The following NCKAP5 variants were observed in gnomAD, a reference collection of about 807,000 sequenced individuals.
NCKAP5 encodes nck-associated protein 5.
In NCKAP5, 92 loss-of-function variants were observed where a neutral mutation model predicts 167.0. The ratio of observed to expected loss-of-function variants is 0.55; its 90% CI spans 0.47 to 0.66. NCKAP5 has a LOEUF of 0.66. Ranked by LOEUF, NCKAP5 falls within the 30% of genes least tolerant of loss-of-function variation. NCKAP5 has a pLI of 0.00. For synonymous variants in NCKAP5, 891 were observed against 877.4 expected, an observed-to-expected ratio of 1.02 and a Z score of -0.27; for missense variants, 2,378 against 2,315.0, an observed-to-expected ratio of 1.03 and a Z score of -0.56.
chr2:133,201,924 T>C (rs1192077521), intron 5 of NCKAP5, among the ~76,000 whole-genome samples: 1 of 152,152 alleles, frequency 6.6e-6, no homozygotes, highest in Non-Finnish European at 1.5e-5. Flanking sequence ...TGCTCATGGA[T>C]AGGAAGAATC....
chr2:133,482,732 G>T (rs1354141775), intron 3 of NCKAP5, among the ~76,000 whole-genome samples: 2 of 151,912 alleles, frequency 1.3e-5, no homozygotes, highest in Non-Finnish European at 2.9e-5. Flanking sequence ...GTTTTTCATG[G>T]TGGCTTTACT....
At chr2:133,523,791 C>A (rs1420187187) in intron 2 of NCKAP5, among the ~76,000 whole-genome samples, 4 of 152,180 alleles carry the variant, frequency 2.6e-5, no homozygotes, top group African/African-American at 9.7e-5. Flanking sequence ...ACACGGTAGG[C>A]ATGCAAAGAA....
chr2:133,323,781 C>T (rs1682234262), intron 3 of NCKAP5, among the ~76,000 whole-genome samples: 1 of 152,084 alleles, frequency 6.6e-6, no homozygotes, highest in African/African-American at 2.4e-5. Context: ...CTGTCCCAGC[C>T]AAATCACATT....
At chr2:133,656,621 A>C in the NCKAP5 span, among the ~76,000 whole-genome samples, 1 of 152,224 alleles carries the variant, frequency 6.6e-6, no homozygotes, top group African/African-American at 2.4e-5. Context: ...CTCTCTTTCC[A>C]GACAGAGATG....
At chr2:132,929,347 C>G (rs1696179705) in intron 8 of NCKAP5, among the ~76,000 whole-genome samples, 1 of 151,954 alleles carries the variant, frequency 6.6e-6, no homozygotes, top group Admixed American at 6.6e-5. Flanking sequence ...CTGTTTGATG[C>G]AGAATATTCT....
the NCKAP5 span, among the ~76,000 whole-genome samples, chr2:133,649,443 G>A: frequency 6.6e-6 from 1 of 151,676 alleles, no homozygotes; most frequent in Non-Finnish European, 1.5e-5. Flanking sequence ...AAAGAAAATT[G>A]CAGGCCACTA....
intron 3 of NCKAP5, among the ~76,000 whole-genome samples, chr2:133,303,640 G>C (rs967575511): frequency 1.5e-4 from 23 of 149,200 alleles, no homozygotes. Flanking sequence ...CAGTGTATTT[G>C]CTTTTTTTTT....
chr2:133,476,027 A>G (rs1559513046), intron 3 of NCKAP5, among the ~76,000 whole-genome samples: 5 of 152,240 alleles, frequency 3.3e-5, no homozygotes, highest in Admixed American at 2.0e-4. Context: ...AAGAAGTCAA[A>G]CCAGAAGATT....
At chr2:133,417,076 G>T (rs1689156403) in intron 3 of NCKAP5, among the ~76,000 whole-genome samples, 2 of 149,142 alleles carry the variant, frequency 1.3e-5, no homozygotes, top group Non-Finnish European at 3.0e-5. Context: ...CTTACTCTTT[G>T]ATATGAATAA....
chr2:133,272,926 A>G (rs1251676005), intron 4 of NCKAP5, among the ~76,000 whole-genome samples: 3 of 152,184 alleles, frequency 2.0e-5, no homozygotes, highest in Non-Finnish European at 2.9e-5. Flanking sequence ...GTCTTCATGC[A>G]CCACATTTTA....
the NCKAP5 span, among the ~76,000 whole-genome samples, chr2:133,589,995 C>T: frequency 3.2e-4 from 49 of 152,278 alleles, no homozygotes; most frequent in Non-Finnish European, 5.4e-4. Context: ...AAACTGAAGC[C>T]TCCTTTGCCC....
At chr2:132,937,302 G>A (rs1433018755) in intron 8 of NCKAP5, among the ~76,000 whole-genome samples, 1 of 152,176 alleles carries the variant, frequency 6.6e-6, no homozygotes, top group African/African-American at 2.4e-5. Flanking sequence ...ATTTGCTGGA[G>A]ATGCTTACAA....
chr2:133,567,269 C>A, intron 1 of NCKAP5, among the ~76,000 whole-genome samples: 1 of 152,168 alleles, frequency 6.6e-6, no homozygotes, highest in East Asian at 1.9e-4. Flanking sequence ...GACAGAAAGA[C>A]AATTTTTCAC....
intron 16 of NCKAP5, among the ~76,000 whole-genome samples, chr2:132,751,880 A>G (rs1371927007): frequency 6.6e-6 from 1 of 152,190 alleles, no homozygotes; most frequent in East Asian, 1.9e-4. Flanking sequence ...CCTAGTGCAA[A>G]TTCAGCACAG....
chr2:133,015,857 G>A (rs2078315393), intron 6 of NCKAP5, among the ~76,000 whole-genome samples: 1 of 152,152 alleles, frequency 6.6e-6, no homozygotes, highest in Admixed American at 6.5e-5. Flanking sequence ...GGAAGTGGGA[G>A]GGCAGGGGAT....
chr2:133,260,786 G>A (rs2088867980), intron 4 of NCKAP5, among the ~76,000 whole-genome samples: 1 of 152,188 alleles, frequency 6.6e-6, no homozygotes, highest in African/African-American at 2.4e-5. Context: ...GAGAAGGCAA[G>A]CTGATACAAA....
In NCKAP5 at chr2:133,097,787, C is replaced by T. The variant is rs190645344; in HGVS notation, c.341+32191G>A. On this transcript the variant is annotated intron_variant, in intron 6 of 19. Transcript: ENST00000409261. ...GCCCTAGCTGACTGGGAGAATGCTA[C>T]GACATAGAGAGGAAAGAACATATGC... is the stretch of plus-strand genomic sequence containing the variant. Among the ~76,000 whole-genome samples the T allele has an allele frequency of 1.5e-3, 230 of 152,186 alleles. 1 individual carries two copies. The highest frequency in any genetic ancestry group is 2.7e-3 in the Non-Finnish European group (182 of 68,012).
intron 6 of NCKAP5, among the ~76,000 whole-genome samples, chr2:133,088,779 T>C (rs2149624280): frequency 6.6e-6 from 1 of 152,242 alleles, no homozygotes; most frequent in Non-Finnish European, 1.5e-5. Context: ...AATAAAACGA[T>C]ATGTACAGAG....
In NCKAP5 at chr2:132,731,846, G is replaced by A. The variant is rs370892586; in HGVS notation, c.5334C>T (p.Asp1778=). ...TGGCGCTATCTGCAGGGCGCTGGCC[G>A]TCTGTGGAGGAAGGCACTTCACGTT... The part of the protein sequence containing the change: ...TLEREVPSST[D]GQRPADSAIV... The change falls in exon 17 of 20, where the codon GAC becomes GAT. Residue 1778 remains aspartate (D), a synonymous_variant. Transcript: ENST00000409261. 26 of 1,613,974 alleles carry A rather than the reference G, an allele frequency of 1.6e-5. No individual in the cohort carries two copies. The highest frequency in any genetic ancestry group is 4.5e-5 in the East Asian group (2 of 44,866).
Sources: gnomAD v4.1 joint callset for allele counts (sites outside exome capture counted in the v4.1 genomes callset) on GRCh38, gnomAD v4.1.1 for gene constraint, MANE v1.5 for transcripts, NCBI Gene and HGNC (gene_info 2026-07-23, HGNC 2026-07-21) for gene names.